HSF2BP: variants seen among roughly 807,000 people sequenced by gnomAD.
HSF2BP encodes heat shock transcription factor 2 binding protein, also known as heat shock factor 2-binding protein.
Under a neutral mutation model 35.0 loss-of-function variants are expected in HSF2BP, and 35 were observed. That is an observed-to-expected ratio of 1.00 (90% CI 0.76 to 1.32). HSF2BP has a LOEUF of 1.32. HSF2BP is among the 40% of genes most tolerant of loss of function. The pLI is 0.00. For synonymous variants in HSF2BP, 114 were observed against 117.4 expected, an observed-to-expected ratio of 0.97 and a Z score of 0.18; for missense variants, 326 against 321.7, an observed-to-expected ratio of 1.01 and a Z score of -0.10.
chr21:43,578,818 G>C (rs558301081), intron 8 of HSF2BP, among the ~76,000 whole-genome samples: 10 of 152,288 alleles, frequency 6.6e-5, no homozygotes, highest in Non-Finnish European at 1.2e-4. Context: ...GGCTGTCCAG[G>C]GCCATGGCTG....
intron 7 of HSF2BP, among the ~76,000 whole-genome samples, chr21:43,609,657 A>G (rs1035242835): frequency 1.2e-4 from 18 of 152,074 alleles, no homozygotes; most frequent in African/African-American, 4.1e-4. Flanking sequence ...CAGAGGACTC[A>G]AGGGTGGGCG....
At chr21:43,467,864 CACACACCAA>C in the HSF2BP span, among the ~76,000 whole-genome samples, 5 of 134,938 alleles carry the variant, frequency 3.7e-5, no homozygotes, top group African/African-American at 1.1e-4. Context: ...ACACACCACA[CACACACCAA>C]ACACACCACA....
chr21:43,467,934 C>CAT, the HSF2BP span, among the ~76,000 whole-genome samples: 4,472 of 87,514 alleles, frequency 0.051, 304 homozygotes, highest in African/African-American at 0.14. Context: ...CCACACACCA[C>CAT]ACACACACAC....
In HSF2BP at chr21:43,625,062, A is replaced by G. The variant is rs555837045; in HGVS notation, c.574+5260T>C. Among the ~76,000 whole-genome samples, 4 of 152,282 alleles carry G rather than the reference A, an allele frequency of 2.6e-5. No homozygotes were observed. In the South Asian group the frequency reaches 8.3e-4, roughly 32 times the overall value. On this transcript the variant is annotated intron_variant, in intron 6 of 8. Coordinates refer to ENST00000291560, the MANE Select transcript of HSF2BP (RefSeq NM_007031.2). Reference sequence around the variant, plus strand: ...ACTAACCTATCATTAAAGAACAGTGACTACAGTTGAGTAGAAATTTAACAA... The same window carrying G: ...ACTAACCTATCATTAAAGAACAGTGGCTACAGTTGAGTAGAAATTTAACAA...
intron 8 of HSF2BP, among the ~76,000 whole-genome samples, chr21:43,581,200 C>A (rs1353745805): frequency 6.6e-6 from 1 of 152,126 alleles, no homozygotes; most frequent in African/African-American, 2.4e-5. Context: ...TCCTGGCTAA[C>A]ACGGTGAAAC....
chr21:43,654,386 T>C (rs920358320), intron 3 of HSF2BP, among the ~76,000 whole-genome samples: 3 of 152,222 alleles, frequency 2.0e-5, no homozygotes, highest in Non-Finnish European at 2.9e-5. Context: ...TTGAACGTTG[T>C]AGTTTTCAAG....
Position 43,630,464 on chromosome 21 carries a change from T to G in HSF2BP, c.442-10A>C. ...ACTTCAAAGCTTTATCCTGAAAGTT[T>G]GAAAATCAGAGTGTCATATCTTTTT... On this transcript the variant is annotated splice_polypyrimidine_tract_variant and intron_variant, in intron 5 of 8. Coordinates refer to ENST00000291560, the MANE Select transcript of HSF2BP (RefSeq NM_007031.2). The G allele has an allele frequency of 6.2e-7, 1 of 1,607,126 alleles. No homozygotes were observed. Among genetic ancestry groups the G allele is most frequent in the Non-Finnish European group, 8.5e-7 (1 of 1,177,852 alleles).
At chr21:43,467,544 T>A in the HSF2BP span, among the ~76,000 whole-genome samples, 1 of 143,986 alleles carries the variant, frequency 6.9e-6, no homozygotes, top group Non-Finnish European at 1.5e-5. Context: ...AAAACTCTTA[T>A]TTCAGGGCTG....
chr21:43,613,680 A>G lies in HSF2BP; in HGVS notation c.692+150T>C. 3 of 633,590 alleles carry G rather than the reference A, an allele frequency of 4.7e-6. No homozygotes were observed. In the South Asian group the frequency reaches 5.7e-5, roughly 12 times the overall value. The allele number at this position is 633,590 out of a possible 1,614,324, so 39.2% of individuals were successfully genotyped here. On this transcript the variant is annotated intron_variant, in intron 7 of 8. Transcript: ENST00000291560. ...TTTTCTAAAATGCTATTTAAGAGACAGTGCACGCCCTTAACTTCTCCAGGA... is the reference window on the plus strand; with the variant it reads ...TTTTCTAAAATGCTATTTAAGAGACGGTGCACGCCCTTAACTTCTCCAGGA...
chr21:43,573,876 C>G (rs1212031623), intron 8 of HSF2BP, among the ~76,000 whole-genome samples: 1 of 152,184 alleles, frequency 6.6e-6, no homozygotes, highest in Non-Finnish European at 1.5e-5. Context: ...GATTCCCAAC[C>G]TTTCGGGGCA....
intron 8 of HSF2BP, among the ~76,000 whole-genome samples, chr21:43,578,504 G>A (rs1204880092): frequency 1.3e-5 from 2 of 152,110 alleles, no homozygotes; most frequent in Admixed American, 6.5e-5. Flanking sequence ...TGCAGAACAA[G>A]CCATCCATGG....
chr21:43,599,464 C>T (rs1327158977), intron 7 of HSF2BP, among the ~76,000 whole-genome samples: 1 of 152,174 alleles, frequency 6.6e-6, no homozygotes, highest in African/African-American at 2.4e-5. Context: ...AAAGAGACTG[C>T]CCATTCATTT....
At chr21:43,656,413 T>C (rs1357162065) in intron 3 of HSF2BP, among the ~76,000 whole-genome samples, 174 bp downstream of exon 3, 18 of 152,230 alleles carry the variant, frequency 1.2e-4, no homozygotes, top group Admixed American at 1.2e-3. Flanking sequence ...AACTTACATA[T>C]GTCCAAGTCA....
intron 1 of HSF2BP, 121 bp from the exon 2 acceptor site, chr21:43,658,441 T>C (rs1241565140): frequency 6.7e-6 from 2 of 297,812 alleles, no homozygotes; most frequent in African/African-American, 4.4e-5. Context: ...ATGGGCAGTC[T>C]TTGCTGGAAA....
rs1466471480 is a variant in HSF2BP at position 43,592,213 on chromosome 21, C to T, written c.796+12G>A. The stretch of plus-strand genomic sequence containing the variant: ...CCGTACAAGCAGCTGGACAGATAAC[C>T]ACCCCCCTTACCACTCAAAAGCCAC... On this transcript the variant is annotated intron_variant, in intron 8 of 8. Coordinates refer to ENST00000291560, the MANE Select transcript of HSF2BP (RefSeq NM_007031.2). The T allele has an allele frequency of 6.3e-7, 1 of 1,575,920 alleles. No individual in the cohort carries two copies. Among genetic ancestry groups the T allele is most frequent in the African/African-American group, 1.3e-5 (1 of 74,168 alleles).
intron 4 of HSF2BP, among the ~76,000 whole-genome samples, chr21:43,641,580 T>C (rs757029480): frequency 1.3e-5 from 2 of 152,168 alleles, no homozygotes; most frequent in African/African-American, 4.8e-5. Context: ...TTCCATACTT[T>C]GTTTCTGACC....
intron 6 of HSF2BP, among the ~76,000 whole-genome samples, chr21:43,621,831 T>C (rs1175278581): frequency 6.6e-6 from 1 of 151,880 alleles, no homozygotes; most frequent in African/African-American, 2.4e-5. Context: ...TTAAATAATA[T>C]ATAAAATAAA....
rs191221760 is a variant in HSF2BP, at chr21:43,612,447, T to C, written c.692+1383A>G. Among the ~76,000 whole-genome samples the C allele has an allele frequency of 5.0e-3, 755 of 151,952 alleles. 18 individuals are homozygous for C. Among genetic ancestry groups the C allele is most frequent in the Non-Finnish European group, 2.3e-3 (153 of 67,940 alleles). ...CGGGTGGATCACGAGGTCAGGAGAT[T>C]GAGACCATCCTGGCTAACACGGTGA... is the stretch of plus-strand genomic sequence containing the variant. On this transcript the variant is annotated intron_variant, in intron 7 of 8. Coordinates refer to ENST00000291560, the MANE Select transcript of HSF2BP (RefSeq NM_007031.2).
intron 8 of HSF2BP, among the ~76,000 whole-genome samples, chr21:43,581,618 C>A (rs2081733463): frequency 6.6e-6 from 1 of 152,136 alleles, no homozygotes; most frequent in East Asian, 1.9e-4. Flanking sequence ...ACAGGCAGCT[C>A]TAGAGTCACA....
Sources: allele counts gnomAD v4.1 joint callset (sites outside exome capture counted in the v4.1 genomes callset), GRCh38; gene constraint gnomAD v4.1.1; transcripts MANE v1.5; gene names NCBI Gene and HGNC (gene_info 2026-07-23, HGNC 2026-07-21).